TTLL5: variants seen among roughly 807,000 people sequenced by gnomAD.
TTLL5 encodes tubulin tyrosine ligase like 5, also known as tubulin polyglutamylase TTLL5.
A neutral mutation model predicts 168.4 loss-of-function variants in TTLL5; 132 were observed. The observed-to-expected ratio is 0.78, with a 90% CI of 0.68 to 0.91. The LOEUF (loss-of-function observed/expected upper bound fraction) is 0.91, where lower values mean the gene tolerates loss of function less well. Ranked by LOEUF, TTLL5 falls within the 40% of genes least tolerant of loss-of-function variation. The pLI, the probability that TTLL5 is intolerant of heterozygous loss-of-function variation, is 0.00. For synonymous variants in TTLL5, 546 were observed against 558.6 expected, an observed-to-expected ratio of 0.98 and a Z score of 0.32; for missense variants, 1,545 against 1,581.5, an observed-to-expected ratio of 0.98 and a Z score of 0.39.
chr14:75,669,628 A>T (rs1883559325), intron 3 of TTLL5, 106 bp downstream of exon 3: 2 of 801,156 alleles, frequency 2.5e-6, no homozygotes, highest in African/African-American at 1.7e-5. Flanking sequence ...CTTGGCCATG[A>T]GAAAAATCAA....
At chr14:75,747,114 A>G (rs747173254) in intron 17 of TTLL5, among the ~76,000 whole-genome samples, 8 of 151,392 alleles carry the variant, frequency 5.3e-5, no homozygotes, top group African/African-American at 7.3e-5. Context: ...ATGTTTTTTC[A>G]GACTTTTTTT....
At chr14:75,861,334 G>C (rs979873853) in intron 28 of TTLL5, among the ~76,000 whole-genome samples, 5 of 152,180 alleles carry the variant, frequency 3.3e-5, no homozygotes, top group African/African-American at 1.2e-4. Flanking sequence ...GGAAACCAAA[G>C]CAGAGGCCCG....
intron 28 of TTLL5, among the ~76,000 whole-genome samples, chr14:75,860,319 G>A (rs1002434611): frequency 4.6e-5 from 7 of 152,152 alleles, no homozygotes; most frequent in Admixed American, 2.0e-4. Flanking sequence ...TTTGATTTCT[G>A]ATACACAAGA....
intron 28 of TTLL5, among the ~76,000 whole-genome samples, chr14:75,824,727 G>GTT (rs200747931): frequency 3.6e-4 from 50 of 139,420 alleles, no homozygotes; most frequent in African/African-American, 8.1e-4. Context: ...AAAATTATGT[G>GTT]TTTTTTTTTT....
chr14:75,936,474 C>G (rs1219274554), intron 31 of TTLL5, among the ~76,000 whole-genome samples: 9 of 152,178 alleles, frequency 5.9e-5, no homozygotes, highest in Admixed American at 5.9e-4. Flanking sequence ...TTGTATTTCT[C>G]ATCACAGCTT....
rs767617170 is a variant in TTLL5, at chr14:75,775,567, A to G, written c.2220A>G (p.Ala740=). 7 of 1,613,900 alleles carry G rather than the reference A, an allele frequency of 4.3e-6. No individual in the cohort carries two copies. In the Admixed American group the frequency reaches 1.2e-4, roughly 27 times the overall value. ...TGGTATTACCCAGTCGACGATTGGCACTTCTGGAACGCAGAAGAATCCTGG... is the reference window on the plus strand; with the variant it reads ...TGGTATTACCCAGTCGACGATTGGCGCTTCTGGAACGCAGAAGAATCCTGG... ...LRMVLPSRRL[A]LLERRRILAH... is the part of the protein sequence containing the mutation. Residue 740 remains alanine, a synonymous_variant, in exon 22 of 32, where the codon GCA becomes GCG. Transcript: ENST00000298832.
intron 22 of TTLL5, among the ~76,000 whole-genome samples, chr14:75,776,496 A>G (rs1366765004): frequency 6.6e-5 from 10 of 152,248 alleles, no homozygotes; most frequent in African/African-American, 1.4e-4. Flanking sequence ...CTGTGTAAGT[A>G]GAAAGTAAAA....
chr14:75,752,845 C>T, intron 17 of TTLL5, 48 bp from the exon 18 acceptor site: 1 of 1,553,404 alleles, frequency 6.4e-7, no homozygotes, highest in Non-Finnish European at 8.9e-7. Context: ...CTACATTTTC[C>T]TCTTGAACTA....
At chr14:75,869,297 A>G (rs1309999490) in intron 29 of TTLL5, among the ~76,000 whole-genome samples, 1 of 152,176 alleles carries the variant, frequency 6.6e-6, no homozygotes, top group Admixed American at 6.5e-5. Context: ...TAGAAAATAC[A>G]TGAAATAATA....
intron 18 of TTLL5, among the ~76,000 whole-genome samples, chr14:75,760,102 A>G (rs1180430589): frequency 6.6e-6 from 1 of 152,074 alleles, no homozygotes; most frequent in African/African-American, 2.4e-5. Context: ...AGAAAATCCT[A>G]AGGCATCTGT....
chr14:75,735,325 C>G (rs1172890866), intron 15 of TTLL5, 36 bp downstream of exon 15: 1 of 1,602,126 alleles, frequency 6.2e-7, no homozygotes, highest in South Asian at 1.1e-5. Flanking sequence ...CTGAAGGAGG[C>G]TTACTGGGAA....
chr14:75,950,910 G>T (rs1267321406), intron 31 of TTLL5, among the ~76,000 whole-genome samples: 3 of 152,014 alleles, frequency 2.0e-5, no homozygotes, highest in Non-Finnish European at 4.4e-5. Context: ...CGGGGCTTCA[G>T]TAAGCTATGA....
intron 20 of TTLL5, among the ~76,000 whole-genome samples, chr14:75,769,760 A>G (rs930803370): frequency 4.6e-5 from 7 of 152,166 alleles, no homozygotes; most frequent in African/African-American, 1.7e-4. Flanking sequence ...GGATCTTTTA[A>G]ATTTATTTTG....
At chr14:75,896,799 G>A (rs909677987) in intron 30 of TTLL5, among the ~76,000 whole-genome samples, 6 of 152,128 alleles carry the variant, frequency 3.9e-5, no homozygotes, top group African/African-American at 7.2e-5. Context: ...GAAGATCCAC[G>A]AAAAACATGT....
chr14:75,813,389 C>T (rs1894187489), intron 27 of TTLL5, among the ~76,000 whole-genome samples: 1 of 151,750 alleles, frequency 6.6e-6, no homozygotes, highest in African/African-American at 2.4e-5. Flanking sequence ...GCAGTCTCAA[C>T]CTCCTGCGCT....
chr14:75,873,044 A>C (rs1025239497), intron 29 of TTLL5, among the ~76,000 whole-genome samples: 1 of 151,038 alleles, frequency 6.6e-6, no homozygotes, highest in Non-Finnish European at 1.5e-5. Context: ...ATTGTTAACT[A>C]TATGCATACT....
chr14:75,675,562 A>G (rs928084932), intron 3 of TTLL5, among the ~76,000 whole-genome samples: 25 of 152,298 alleles, frequency 1.6e-4, no homozygotes, highest in African/African-American at 6.0e-4. Flanking sequence ...GCATGTTAAG[A>G]GGCTTAGAAA....
intron 28 of TTLL5, among the ~76,000 whole-genome samples, chr14:75,833,289 A>G (rs916389392): frequency 1.3e-5 from 2 of 152,210 alleles, no homozygotes; most frequent in Admixed American, 6.5e-5. Context: ...TGTTCGGTAC[A>G]TCTTCACCCT....
chr14:75,724,915 G>A (rs1015137175), intron 12 of TTLL5, among the ~76,000 whole-genome samples: 4 of 152,196 alleles, frequency 2.6e-5, no homozygotes, highest in African/African-American at 7.2e-5. Context: ...AAGAAAAACA[G>A]CCAAAAACAA....
Sources: allele counts gnomAD v4.1 joint callset (sites outside exome capture counted in the v4.1 genomes callset), GRCh38; gene constraint gnomAD v4.1.1; transcripts MANE v1.5; gene names NCBI Gene and HGNC (gene_info 2026-07-23, HGNC 2026-07-21).